ADGRA3: variants seen among roughly 807,000 people sequenced by gnomAD.
ADGRA3 encodes the protein adhesion G protein-coupled receptor A3.
In ADGRA3, 56 loss-of-function variants were observed where a neutral mutation model predicts 119.8. That is an observed-to-expected ratio of 0.47 (90% CI 0.38 to 0.58). The LOEUF (loss-of-function observed/expected upper bound fraction) is 0.58, where lower values mean the gene tolerates loss of function less well. Among genes scored for constraint, ADGRA3 ranks in the 20% least tolerant of loss-of-function variants. The probability of loss-of-function intolerance (pLI) is 0.00; values close to 1 mark genes in which losing one functional copy is unlikely to be tolerated. For missense variants in ADGRA3, 1,516 were observed against 1,649.0 expected, an observed-to-expected ratio of 0.92 and a Z score of 1.40; for synonymous variants, 607 against 623.8, an observed-to-expected ratio of 0.97 and a Z score of 0.40.
chr4:22,478,768 C>T (rs1235173763), intron 1 of ADGRA3, among the ~76,000 whole-genome samples: 1 of 152,026 alleles, frequency 6.6e-6, no homozygotes, highest in Non-Finnish European at 1.5e-5. Context: ...GAGTTCAAGG[C>T]TCTATGAAGA....
chr4:22,436,310 G>T, intron 9 of ADGRA3, 130 bp downstream of exon 9: 2 of 673,612 alleles, frequency 3.0e-6, no homozygotes, highest in Non-Finnish European at 5.0e-6. Context: ...AGACAGTTAA[G>T]TCAACTAAAG....
At position 22,515,518 on chromosome 4, in the gene ADGRA3, A is replaced by T. The variant is rs770031000; in HGVS notation, c.257+10T>A. 2 of 1,603,190 alleles carry T rather than the reference A, an allele frequency of 1.2e-6. No homozygotes were observed. Among genetic ancestry groups the T allele is most frequent in the Non-Finnish European group, 1.7e-6 (2 of 1,174,822 alleles). On this transcript the variant is annotated intron_variant, in intron 1 of 18. Coordinates refer to ENST00000334304, the MANE Select transcript of ADGRA3 (RefSeq NM_145290.4). ...GCGGGAGAGGACCCAGCGTCGCGGG[A>T]GATACTCACAGGGTGACCGTGCGGT...
At chr4:22,509,609 CTG>C (rs1228040778) in intron 1 of ADGRA3, among the ~76,000 whole-genome samples, 1 of 152,148 alleles carries the variant, frequency 6.6e-6, no homozygotes, top group East Asian at 1.9e-4. Flanking sequence ...GATGCTAGGA[CTG>C]TTTCGTCTCC....
At chr4:22,510,534 T>C (rs1012775550) in intron 1 of ADGRA3, among the ~76,000 whole-genome samples, 3 of 152,136 alleles carry the variant, frequency 2.0e-5, no homozygotes, top group Non-Finnish European at 1.5e-5. Context: ...CTCTCCCCTC[T>C]GTGCACTCTC....
intron 1 of ADGRA3, among the ~76,000 whole-genome samples, chr4:22,476,978 T>G (rs1201904812): frequency 6.6e-6 from 1 of 152,168 alleles, no homozygotes; most frequent in East Asian, 1.9e-4. Context: ...ATTTATCTTT[T>G]ATTCTTTATA....
At chr4:22,437,495 T>C (rs1716442348) in intron 8 of ADGRA3, among the ~76,000 whole-genome samples, 2 of 152,172 alleles carry the variant, frequency 1.3e-5, no homozygotes, top group Admixed American at 6.5e-5. Context: ...CATATTTCCC[T>C]TTGTTCATAT....
At chr4:22,390,880 G>A (rs1158100699) in intron 17 of ADGRA3, among the ~76,000 whole-genome samples, 1 of 152,078 alleles carries the variant, frequency 6.6e-6, no homozygotes, top group Non-Finnish European at 1.5e-5. Flanking sequence ...AGATTCCCAA[G>A]TTTCTAAGCC....
intron 10 of ADGRA3, among the ~76,000 whole-genome samples, 158 bp from the exon 11 acceptor site, chr4:22,424,510 AG>A (rs1322431888): frequency 6.6e-6 from 1 of 152,250 alleles, no homozygotes; most frequent in Non-Finnish European, 1.5e-5. Context: ...AAACATCTTC[AG>A]ATATGAACAG....
chr4:22,459,105 A>G (rs566667789), intron 3 of ADGRA3, among the ~76,000 whole-genome samples: 36 of 152,368 alleles, frequency 2.4e-4, no homozygotes, highest in African/African-American at 8.7e-4. Flanking sequence ...GGAAAGCTAC[A>G]GACGATAGGT....
chr4:22,417,748 G>A (rs1046638162), intron 12 of ADGRA3, among the ~76,000 whole-genome samples: 1 of 152,140 alleles, frequency 6.6e-6, no homozygotes, highest in Non-Finnish European at 1.5e-5. Context: ...GGTTAATTCT[G>A]TCTGAAGAAG....
chr4:22,492,136 G>C (rs1387601133), intron 1 of ADGRA3, among the ~76,000 whole-genome samples: 1 of 152,122 alleles, frequency 6.6e-6, no homozygotes, highest in Non-Finnish European at 1.5e-5. Flanking sequence ...TGGAAAAATT[G>C]CATTTGGTGT....
chr4:22,504,805 G>A (rs1286362437), intron 1 of ADGRA3, among the ~76,000 whole-genome samples: 2 of 152,004 alleles, frequency 1.3e-5, no homozygotes, highest in Non-Finnish European at 2.9e-5. Context: ...GGGCTACTAA[G>A]CAGCAGGTTC....
chr4:22,409,283 A>C (rs910505957), intron 14 of ADGRA3, among the ~76,000 whole-genome samples: 3 of 152,196 alleles, frequency 2.0e-5, no homozygotes, highest in Admixed American at 2.0e-4. Context: ...ATGCTCAATT[A>C]AATGTGCAAA....
At chr4:22,405,483 C>A (rs1046980801) in intron 14 of ADGRA3, among the ~76,000 whole-genome samples, 2 of 151,134 alleles carry the variant, frequency 1.3e-5, no homozygotes, top group Non-Finnish European at 2.9e-5. Flanking sequence ...GAGTTTGAGG[C>A]TGCAGTGAGC....
rs67569148 is a variant in ADGRA3, at chr4:22,497,759, CAAA to C, written c.257+17766_257+17768del. Reference sequence around the variant, plus strand: ...AGCCAAGATCGCATCATTGCTGTCTCAAAAAAAAAAAAAAAAAAAAAAAGGGAT... The same window carrying C: ...AGCCAAGATCGCATCATTGCTGTCTCAAAAAAAAAAAAAAAAAAAAGGGAT... On this transcript the variant is annotated intron_variant, in intron 1 of 18. Transcript: ENST00000334304. Among the ~76,000 whole-genome samples the C allele has an allele frequency of 8.5e-3, 604 of 71,376 alleles. 10 individuals are homozygous for C. Among genetic ancestry groups the C allele is most frequent in the African/African-American group, 0.029 (566 of 19,188 alleles). 46.8% of individuals were successfully genotyped at this position (71,376 alleles called of 152,430 possible). A position where few individuals can be genotyped will look rare whatever the true frequency, so the allele number is the denominator to read the frequency against.
chr4:22,413,689 C>G lies in ADGRA3; in HGVS notation c.1935G>C (p.Lys645Asn). Residue 645 changes from lysine to asparagine, a missense_variant, in exon 13 of 19, where the codon AAG becomes AAC. Transcript: ENST00000334304. ...KLQLIAFRNG[K>N]LFPATGNSTN... ...TTGAATTTCCAGTGGCTGGAAAAAG[C>G]TTTCCATTGCGGAATGCAATGAGTT... is the stretch of plus-strand genomic sequence containing the variant. The G allele has an allele frequency of 6.2e-7, 1 of 1,613,938 alleles. No individual in the cohort carries two copies. The highest frequency in any genetic ancestry group is 8.5e-7 in the Non-Finnish European group (1 of 1,179,924).
chr4:22,403,936 C>A (rs1690374994), intron 14 of ADGRA3, among the ~76,000 whole-genome samples: 1 of 152,098 alleles, frequency 6.6e-6, no homozygotes. Context: ...GGATTAGATT[C>A]AAAGGAGCTT....
At chr4:22,391,761 T>C (rs1714143085) in intron 17 of ADGRA3, among the ~76,000 whole-genome samples, 1 of 152,176 alleles carries the variant, frequency 6.6e-6, no homozygotes, top group African/African-American at 2.4e-5. Flanking sequence ...ACCAAACATC[T>C]GAGGCTCCAG....
intron 1 of ADGRA3, among the ~76,000 whole-genome samples, chr4:22,513,862 A>AC (rs1560356068): frequency 1.2e-4 from 18 of 148,480 alleles, no homozygotes; most frequent in East Asian, 2.0e-4. Context: ...AAAAAAAAAA[A>AC]AAAAAAAAAA....
Sources: allele counts gnomAD v4.1 joint callset (sites outside exome capture counted in the v4.1 genomes callset), GRCh38; gene constraint gnomAD v4.1.1; transcripts MANE v1.5; gene names NCBI Gene and HGNC (gene_info 2026-07-23, HGNC 2026-07-21).